Variants in MPPED2 observed in about 807,000 individuals in gnomAD.
MPPED2 encodes the protein metallophosphoesterase domain containing 2.
A neutral mutation model predicts 33.0 loss-of-function variants in MPPED2; 5 were observed. The observed-to-expected ratio is 0.15, with a 90% CI of 0.08 to 0.32. The LOEUF (loss-of-function observed/expected upper bound fraction) is 0.32, where lower values mean the gene tolerates loss of function less well. MPPED2 is among the 10% of genes least tolerant of loss of function. MPPED2 has a pLI of 1.00. For missense variants in MPPED2, 275 were observed against 372.1 expected (o/e 0.74, Z 2.15); for synonymous variants, 136 against 141.9 (o/e 0.96, Z 0.29).
In MPPED2 at chr11:30,547,229, G is replaced by T. The variant is rs1048510744; in HGVS notation, c.129-11054C>A. On this transcript the variant is annotated intron_variant, in intron 2 of 6. Transcript: ENST00000358117. ...AGAGAACTACCATCTACTGTGTTGT[G>T]CTACAACAGGAGTGGCATGTCCAGA... 5.9e-5 allele frequency among the ~76,000 whole-genome samples: 9 copies of T among 152,306 alleles called. No individual in the cohort carries two copies. In the East Asian group the frequency reaches 1.5e-3, roughly 26 times the overall value.
chr11:30,477,236 T>G (rs2134097193), intron 4 of MPPED2, among the ~76,000 whole-genome samples: 1 of 152,118 alleles, frequency 6.6e-6, no homozygotes, highest in East Asian at 1.9e-4. Flanking sequence ...GTGTGTTTAT[T>G]ACACCATGGA....
intron 2 of MPPED2, among the ~76,000 whole-genome samples, chr11:30,542,801 T>C (rs1415475575): frequency 6.6e-6 from 1 of 152,200 alleles, no homozygotes; most frequent in Non-Finnish European, 1.5e-5. Flanking sequence ...ATCTGAGCCA[T>C]AAGTAGAACT....
chr11:30,432,480 C>G (rs1448508455), intron 4 of MPPED2, among the ~76,000 whole-genome samples: 1 of 151,980 alleles, frequency 6.6e-6, no homozygotes, highest in Non-Finnish European at 1.5e-5. Flanking sequence ...CTAAGCTTGA[C>G]TAAATTTGCT....
Position 30,417,597 on chromosome 11 carries a change from G to A in MPPED2, c.573C>T (p.Pro191=), listed in dbSNP as rs144774891. The A allele has an allele frequency of 6.2e-7, 1 of 1,613,182 alleles. No individual in the cohort carries two copies. Among genetic ancestry groups the A allele is most frequent in the African/African-American group, 1.3e-5 (1 of 74,844 alleles). The change falls in exon 5 of 7, where the codon CCC becomes CCT. Residue 191 remains proline (P), a synonymous_variant. Coordinates refer to ENST00000358117, the MANE Select transcript of MPPED2 (RefSeq NM_001584.3). ...ACTTGTCCAGCAGAGACTGACCTCT[G>A]GGTAGGTTAAAGCCCCATCCATTAA... ...PWFNGWGFNL[P]RGQSLLDKWN... is the part of the protein sequence containing the mutation.
intron 4 of MPPED2, among the ~76,000 whole-genome samples, chr11:30,447,693 G>T (rs138681405): frequency 6.6e-6 from 1 of 152,176 alleles, no homozygotes; most frequent in Non-Finnish European, 1.5e-5. Flanking sequence ...AAGAGTTTGC[G>T]CAGTTAAACA....
At chr11:30,472,123 C>T (rs781045137) in intron 4 of MPPED2, among the ~76,000 whole-genome samples, 2 of 152,120 alleles carry the variant, frequency 1.3e-5, no homozygotes, top group African/African-American at 4.8e-5. Context: ...CAGCACTTTG[C>T]GGGGGCAAGG....
chr11:30,417,578 C>T lies in MPPED2; in HGVS notation c.592G>A (p.Asp198Asn), dbSNP rs1015870417. ...CCCTCAGGGATGAGGTTCCACTTGT[C>T]CAGCAGAGACTGACCTCTGGGTAGG... ...FNLPRGQSLL[D>N]KWNLIPEGID... The change falls in exon 5 of 7, where the codon GAC becomes AAC. Residue 198 changes from aspartate to asparagine, a missense_variant. By Grantham distance (23) the Asp-to-Asn change is conservative. Coordinates refer to ENST00000358117, the MANE Select transcript of MPPED2 (RefSeq NM_001584.3). 3 of 1,613,450 alleles carry T rather than the reference C, an allele frequency of 1.9e-6. No homozygotes were observed. Among genetic ancestry groups the T allele is most frequent in the Non-Finnish European group, 2.5e-6 (3 of 1,179,590 alleles).
At chr11:30,512,939 C>T (rs774357733) in intron 3 of MPPED2, among the ~76,000 whole-genome samples, 5 of 151,902 alleles carry the variant, frequency 3.3e-5, no homozygotes, top group South Asian at 4.2e-4. Flanking sequence ...GGCAGAGTTG[C>T]GCTGACCCAA....
At chr11:30,513,908 G>A (rs2134325493) in intron 3 of MPPED2, among the ~76,000 whole-genome samples, 1 of 152,302 alleles carries the variant, frequency 6.6e-6, no homozygotes, top group Admixed American at 6.5e-5. Flanking sequence ...GCCTATCTCA[G>A]TCACTGGCCA....
chr11:30,408,146 T>A (rs1191637691), downstream of MPPED2, among the ~76,000 whole-genome samples: 2 of 152,168 alleles, frequency 1.3e-5, no homozygotes, highest in East Asian at 3.9e-4. Context: ...GTGGGGCCAG[T>A]ATGTGGGCAG....
At chr11:30,537,904 T>C (rs1423006047) in intron 2 of MPPED2, among the ~76,000 whole-genome samples, 1 of 152,170 alleles carries the variant, frequency 6.6e-6, no homozygotes, top group Admixed American at 6.5e-5. Context: ...TAAAAATGTT[T>C]GATGTCTTCC....
chr11:30,497,228 T>C (rs1246605343), intron 3 of MPPED2, among the ~76,000 whole-genome samples: 4 of 152,200 alleles, frequency 2.6e-5, no homozygotes. Flanking sequence ...TGGTGGTATC[T>C]TGCACAATTC....
chr11:30,526,612 C>T (rs1299282140), intron 3 of MPPED2, among the ~76,000 whole-genome samples: 2 of 151,906 alleles, frequency 1.3e-5, no homozygotes. Flanking sequence ...TCTTATCTGC[C>T]CTTCCTAAAG....
chr11:30,436,411 G>A (rs1321561345), intron 4 of MPPED2, among the ~76,000 whole-genome samples: 1 of 152,196 alleles, frequency 6.6e-6, no homozygotes, highest in Non-Finnish European at 1.5e-5. Context: ...AAGAGATGCA[G>A]ATGCTGCAGT....
chr11:30,571,433 G>A (rs1463396885), intron 2 of MPPED2, among the ~76,000 whole-genome samples: 1 of 151,984 alleles, frequency 6.6e-6, no homozygotes, highest in Non-Finnish European at 1.5e-5. Flanking sequence ...TCTTTGCAGA[G>A]TTAGTGTTTC....
At chr11:30,459,082 C>T (rs1590357593) in intron 4 of MPPED2, among the ~76,000 whole-genome samples, 2 of 151,392 alleles carry the variant, frequency 1.3e-5, no homozygotes, top group South Asian at 2.1e-4. Flanking sequence ...CCCGCCACTA[C>T]GCCCGGCTAA....
rs375752962 is a variant in MPPED2 at position 30,493,187 on chromosome 11, C to T, written c.536+2109G>A. On this transcript the variant is annotated intron_variant, in intron 4 of 6. Coordinates refer to ENST00000358117, the MANE Select transcript of MPPED2 (RefSeq NM_001584.3). ...TCACGAGGTCAGGAGATCGAGACCA[C>T]GGTGAAACCCCGTCTCTACTAAAAA... Among the ~76,000 whole-genome samples, 5 of 152,012 alleles carry T rather than the reference C, an allele frequency of 3.3e-5. No individual in the cohort carries two copies. The East Asian group carries it at 5.8e-4, about 18-fold the overall frequency.
chr11:30,513,067 T>G (rs1590658292), intron 3 of MPPED2, among the ~76,000 whole-genome samples: 2 of 152,202 alleles, frequency 1.3e-5, no homozygotes, highest in South Asian at 2.1e-4. Context: ...GATTCTGTTC[T>G]CTAGGTCTGA....
At chr11:30,545,859 A>G (rs1709065119) in intron 2 of MPPED2, among the ~76,000 whole-genome samples, 1 of 147,644 alleles carries the variant, frequency 6.8e-6, no homozygotes, top group African/African-American at 2.5e-5. Flanking sequence ...GGCATGACTG[A>G]TATACATATA....
Sources: allele counts gnomAD v4.1 joint callset (sites outside exome capture counted in the v4.1 genomes callset), GRCh38; gene constraint gnomAD v4.1.1; transcripts MANE v1.5; gene names NCBI Gene and HGNC (gene_info 2026-07-23, HGNC 2026-07-21).